PCDHGA11: variants seen among roughly 807,000 people sequenced by gnomAD.
The protein encoded by PCDHGA11 is protocadherin gamma-A11.
Under a neutral mutation model 60.4 loss-of-function variants are expected in PCDHGA11, and 39 were observed. The observed-to-expected ratio is 0.65, with a 90% CI of 0.50 to 0.84. The LOEUF is 0.84. PCDHGA11 is among the 40% of genes least tolerant of loss of function. The pLI is 0.00. For missense variants in PCDHGA11, 1,165 were observed against 1,197.7 expected, an observed-to-expected ratio of 0.97 and a Z score of 0.40; for synonymous variants, 533 against 510.3, an observed-to-expected ratio of 1.04 and a Z score of -0.60.
chr5:141,491,414 G>T lies in PCDHGA11; in HGVS notation c.2434-3393G>T, dbSNP rs137987971. ...CTTCAGGGAAACGCAGACGGGGACGGGGGTGGAGGGCAGTGCTGCAGGCGC... is the reference window on the plus strand; with the variant it reads ...CTTCAGGGAAACGCAGACGGGGACGTGGGTGGAGGGCAGTGCTGCAGGCGC... On this transcript the variant is annotated intron_variant, in intron 1 of 3. Coordinates refer to ENST00000398587, the MANE Select transcript of PCDHGA11 (RefSeq NM_018914.3). The surrounding 1 kb of genome is among the most constrained non-coding windows in gnomAD (Gnocchi z 6.9). 1.9e-6 allele frequency: 3 copies of T among 1,614,008 alleles called. No homozygotes were observed. Among genetic ancestry groups the T allele is most frequent in the Non-Finnish European group, 2.5e-6 (3 of 1,180,030 alleles).
At position 141,490,181 on chromosome 5, in the gene PCDHGA11, G is replaced by A. The variant is rs755899660; in HGVS notation, c.2434-4626G>A. ...GGTCCCATAGACTTTGAGGAGTCACGTTTCTATGAAATTCATGCAAGAGCC... is the reference window on the plus strand; with the variant it reads ...GGTCCCATAGACTTTGAGGAGTCACATTTCTATGAAATTCATGCAAGAGCC... On this transcript the variant is annotated intron_variant, in intron 1 of 3. Coordinates refer to ENST00000398587, the MANE Select transcript of PCDHGA11 (RefSeq NM_018914.3). This position sits in a 1 kb window ranked among gnomAD's most constrained non-coding sequence, Gnocchi z 5.4. The A allele has an allele frequency of 9.9e-6, 16 of 1,614,200 alleles. No homozygotes were observed. Among genetic ancestry groups the A allele is most frequent in the Middle Eastern group, 1.6e-4 (1 of 6,062 alleles).
chr5:141,433,162 A>G, intron 1 of PCDHGA11: 1 of 1,613,890 alleles, frequency 6.2e-7, no homozygotes, highest in Non-Finnish European at 8.5e-7. Flanking sequence ...TATTTTCTAA[A>G]GACAGTCATG....
intron 2 of PCDHGA11, among the ~76,000 whole-genome samples, chr5:141,497,643 G>A (rs773129390): frequency 6.6e-6 from 1 of 151,192 alleles, no homozygotes; most frequent in African/African-American, 2.4e-5. Context: ...AGGTTCAAGC[G>A]ATTCTCCTGC....
chr5:141,496,993 C>G (rs981547671), intron 2 of PCDHGA11, among the ~76,000 whole-genome samples: 1 of 151,910 alleles, frequency 6.6e-6, no homozygotes, highest in South Asian at 2.1e-4. Flanking sequence ...TGAGACCAGC[C>G]TGGCAGCCAA....
intron 3 of PCDHGA11, 149 bp downstream of exon 3, chr5:141,505,630 A>G (rs558394591): frequency 4.7e-5 from 69 of 1,480,262 alleles, no homozygotes; most frequent in Admixed American, 2.2e-5. Flanking sequence ...AATTCCAAAC[A>G]TAAAGCCTGG....
intron 1 of PCDHGA11, among the ~76,000 whole-genome samples, chr5:141,492,435 C>T (rs191116850): frequency 8.5e-5 from 13 of 152,348 alleles, no homozygotes; most frequent in Admixed American, 8.5e-4. Context: ...CTCAGGAGTA[C>T]TCGTAGCTGA....
chr5:141,421,627 T>C lies in PCDHGA11; in HGVS notation c.400T>C (p.Phe134Leu). Residue 134 changes from phenylalanine (F) to leucine (L), a missense_variant, in exon 1 of 4, where the codon TTC becomes CTC. By Grantham distance (22) the Phe-to-Leu change is conservative. Transcript: ENST00000398587. The stretch of plus-strand genomic sequence containing the variant: ...AGATATTAATGATAACGCCCCCAGC[T>C]TCCAGGAGGACGAAGTGGAGATAAA... ...IIDINDNAPS[F>L]QEDEVEIKVS... The C allele has an allele frequency of 6.2e-7, 1 of 1,613,846 alleles. No individual in the cohort carries two copies. Among genetic ancestry groups the C allele is most frequent in the Non-Finnish European group, 8.5e-7 (1 of 1,179,820 alleles).
Position 141,433,012 on chromosome 5 carries a change from G to C in PCDHGA11, c.2433+9352G>C. 1 of 1,614,172 alleles carries C rather than the reference G, an allele frequency of 6.2e-7. No homozygotes were observed. Among genetic ancestry groups the C allele is most frequent in the South Asian group, 1.1e-5 (1 of 91,080 alleles). The stretch of plus-strand genomic sequence containing the variant: ...TGGACGGGGTGCAGGCTTTCCTGCA[G>C]ACCTATTCCCACGAGGTTTCCCTCA... On this transcript the variant is annotated intron_variant, in intron 1 of 3. Coordinates refer to ENST00000398587, the MANE Select transcript of PCDHGA11 (RefSeq NM_018914.3).
intron 1 of PCDHGA11, among the ~76,000 whole-genome samples, chr5:141,456,918 G>A (rs535602842): frequency 6.6e-6 from 1 of 152,006 alleles, no homozygotes; most frequent in African/African-American, 2.4e-5. Context: ...AGCCGAGATC[G>A]CACCACTGCA....
At position 141,422,871 on chromosome 5, in the gene PCDHGA11, G is replaced by C; in HGVS notation, c.1644G>C (p.Ser548=). 3 of 1,614,216 alleles carry C rather than the reference G, an allele frequency of 1.9e-6. No homozygotes were observed. Among genetic ancestry groups the C allele is most frequent in the South Asian group, 1.1e-5 (1 of 91,088 alleles). ...SGDPPLSSNV[S]LSLFVLDQND... ...ACCCGCCCCTCAGCAGCAACGTGTC[G>C]CTGAGCCTGTTCGTGCTGGACCAGA... Residue 548 remains serine, a synonymous_variant, in exon 1 of 4, where the codon TCG becomes TCC. Transcript: ENST00000398587.
At chr5:141,467,373 T>C (rs2099143070) in intron 1 of PCDHGA11, among the ~76,000 whole-genome samples, 1 of 152,064 alleles carries the variant, frequency 6.6e-6, no homozygotes, top group Non-Finnish European at 1.5e-5. Context: ...TTTCTTATAT[T>C]GCATTTAGGT....
At position 141,432,759 on chromosome 5, in the gene PCDHGA11, G is replaced by T. The variant is rs768949018; in HGVS notation, c.2433+9099G>T. On this transcript the variant is annotated intron_variant, in intron 1 of 3. Transcript: ENST00000398587. The surrounding 1 kb of genome is among the most constrained non-coding windows in gnomAD (Gnocchi z 6.0). ...ACGCTCACCGTGGCCGTGGCCGACA[G>T]CATCCCCCAAGTCCTGGCGGACCTC... is the stretch of plus-strand genomic sequence containing the variant. The T allele has an allele frequency of 6.2e-6, 10 of 1,614,032 alleles. No homozygotes were observed. The highest frequency in any genetic ancestry group is 7.6e-6 in the Non-Finnish European group (9 of 1,180,014).
chr5:141,433,305 C>A, intron 1 of PCDHGA11: 1 of 931,030 alleles, frequency 1.1e-6, no homozygotes, highest in Non-Finnish European at 1.6e-6. Context: ...GCAATTATCC[C>A]ACCTTTGCCT....
Position 141,493,701 on chromosome 5 carries a change from C to G in PCDHGA11, c.2434-1106C>G, listed in dbSNP as rs2099749680. 6.6e-6 allele frequency among the ~76,000 whole-genome samples: 1 copy of G among 152,172 alleles called. No homozygotes were observed. Among genetic ancestry groups the G allele is most frequent in the Admixed American group, 6.5e-5 (1 of 15,286 alleles). On this transcript the variant is annotated intron_variant, in intron 1 of 3. Coordinates refer to ENST00000398587, the MANE Select transcript of PCDHGA11 (RefSeq NM_018914.3). This position sits in a 1 kb window ranked among gnomAD's most constrained non-coding sequence, Gnocchi z 4.3. Reference sequence around the variant, plus strand: ...ATGGTGCTGGTGACTCCCGATACACCTGGAATGCTAGGTTTCTGGGTTCTG... The same window carrying G: ...ATGGTGCTGGTGACTCCCGATACACGTGGAATGCTAGGTTTCTGGGTTCTG...
intron 1 of PCDHGA11, among the ~76,000 whole-genome samples, chr5:141,438,593 T>C (rs982159150): frequency 4.1e-5 from 3 of 73,984 alleles, no homozygotes; most frequent in Non-Finnish European, 5.5e-5. Flanking sequence ...CATACATACA[T>C]ATATATATAT....
At chr5:141,446,798 T>C (rs1223789118) in intron 1 of PCDHGA11, among the ~76,000 whole-genome samples, 1 of 152,160 alleles carries the variant, frequency 6.6e-6, no homozygotes, top group Non-Finnish European at 1.5e-5. Flanking sequence ...AGTTCTTCCA[T>C]TGTGATCATC....
chr5:141,476,574 G>A lies in PCDHGA11; in HGVS notation c.2434-18233G>A, dbSNP rs746783993. ...AGCGAGGCCGTGGCTCCGGGGACGC[G>A]CTTTCCGCTCGAGAGCGCGCACGAT... is the stretch of plus-strand genomic sequence containing the variant. On this transcript the variant is annotated intron_variant, in intron 1 of 3. Coordinates refer to ENST00000398587, the MANE Select transcript of PCDHGA11 (RefSeq NM_018914.3). The surrounding 1 kb of genome is among the most constrained non-coding windows in gnomAD (Gnocchi z 7.6). 40 of 1,614,084 alleles carry A rather than the reference G, an allele frequency of 2.5e-5. No homozygotes were observed. In the African/African-American group the frequency reaches 3.7e-4, roughly 15 times the overall value.
In PCDHGA11 at chr5:141,421,903, G is replaced by T. The variant is rs757656265; in HGVS notation, c.676G>T (p.Ala226Ser). 2.5e-6 allele frequency: 4 copies of T among 1,613,704 alleles called. No homozygotes were observed. In the East Asian group the frequency reaches 6.7e-5, roughly 27 times the overall value. Reference protein sequence around the residue: ...LDGGDPIRKGAVPIRVVVLDV... With the variant: ...LDGGDPIRKGSVPIRVVVLDV... ...TGGAGGCGATCCCATCCGAAAGGGCGCAGTTCCCATTCGTGTGGTGGTCCT... is the reference window on the plus strand; with the variant it reads ...TGGAGGCGATCCCATCCGAAAGGGCTCAGTTCCCATTCGTGTGGTGGTCCT... The change falls in exon 1 of 4, where the codon GCA (alanine) becomes TCA (serine). Residue 226 changes from alanine to serine, a missense_variant. Physicochemically the swap from Ala to Ser is moderately conservative, Grantham distance 99. Transcript: ENST00000398587.
chr5:141,503,547 C>T (rs545918096), intron 2 of PCDHGA11, among the ~76,000 whole-genome samples: 22 of 147,734 alleles, frequency 1.5e-4, no homozygotes, highest in African/African-American at 4.8e-4. Flanking sequence ...TGCAGTGAGC[C>T]GAGATCGCGC....
Sources: allele counts gnomAD v4.1 joint callset (sites outside exome capture counted in the v4.1 genomes callset), GRCh38; gene constraint gnomAD v4.1.1; non-coding constraint Gnocchi (gnomAD v3.1); transcripts MANE v1.5; gene names NCBI Gene and HGNC (gene_info 2026-07-23, HGNC 2026-07-21).